Variants in SETBP1 observed in about 807,000 individuals in gnomAD.
The protein encoded by SETBP1 is SET-binding protein.
Under a neutral mutation model 101.0 loss-of-function variants are expected in SETBP1, and 9 were observed. That is an observed-to-expected ratio of 0.09 (90% CI 0.05 to 0.16). The LOEUF is 0.16. SETBP1 is among the 10% of genes least tolerant of loss of function. SETBP1 has a pLI of 1.00. For missense variants in SETBP1, 1,858 were observed against 2,033.8 expected, an observed-to-expected ratio of 0.91 and a Z score of 1.66; for synonymous variants, 818 against 788.5, an observed-to-expected ratio of 1.04 and a Z score of -0.63.
chr18:44,929,397 C>T (rs555551651), intron 3 of SETBP1, among the ~76,000 whole-genome samples: 8 of 152,194 alleles, frequency 5.3e-5, no homozygotes, highest in Middle Eastern at 3.4e-3. Context: ...CTTTTGGCTT[C>T]GGATTGTCTT....
At chr18:45,062,415 A>G (rs1447177324) in intron 5 of SETBP1, among the ~76,000 whole-genome samples, 3 of 152,224 alleles carry the variant, frequency 2.0e-5, no homozygotes, top group Non-Finnish European at 4.4e-5. Context: ...ACTAGTCCAG[A>G]ACACTGGGGG....
intron 2 of SETBP1, among the ~76,000 whole-genome samples, chr18:44,702,114 A>G (rs187015689): frequency 1.3e-5 from 2 of 152,282 alleles, no homozygotes; most frequent in East Asian, 1.9e-4. Flanking sequence ...TCTTTCCAGA[A>G]TTAAGCTAGA....
intron 3 of SETBP1, among the ~76,000 whole-genome samples, chr18:44,885,959 C>T (rs1298180490): frequency 6.6e-6 from 1 of 150,648 alleles, no homozygotes; most frequent in Non-Finnish European, 1.5e-5. Flanking sequence ...GTTTATTTTC[C>T]TAAGTTCTCA....
At chr18:44,763,922 C>G (rs898864876) in intron 2 of SETBP1, among the ~76,000 whole-genome samples, 1 of 152,228 alleles carries the variant, frequency 6.6e-6, no homozygotes, top group African/African-American at 2.4e-5. Context: ...CTCTTCTCTT[C>G]TCTGTCCTTT....
chr18:44,705,105 G>A (rs535122520), intron 2 of SETBP1, among the ~76,000 whole-genome samples: 2 of 152,160 alleles, frequency 1.3e-5, no homozygotes, highest in Non-Finnish European at 2.9e-5. Flanking sequence ...TAGCCTGTGG[G>A]CCAAATCCAG....
At chr18:44,708,753 GA>G (rs779798955) in intron 2 of SETBP1, among the ~76,000 whole-genome samples, 2 of 151,648 alleles carry the variant, frequency 1.3e-5, no homozygotes, top group Non-Finnish European at 2.9e-5. Flanking sequence ...GAAAAGAAAA[GA>G]AAAGAAAAGA....
rs547290031 is a variant in SETBP1 at position 45,067,663 on chromosome 18, G to A, written c.*3965G>A. On this transcript the variant is annotated 3_prime_UTR_variant, in exon 6 of 6. Transcript: ENST00000649279. ...GAAACTCGAACTGTAATATATCGTA[G>A]CATTTTCTTGGTGTTTCTTAAAGTT... 2 of 152,172 alleles carry A rather than the reference G, an allele frequency of 1.3e-5. No individual in the cohort carries two copies. The highest frequency in any genetic ancestry group is 2.9e-5 in the Non-Finnish European group (2 of 68,042). The allele number at this position is 152,172 out of a possible 1,614,324, so 9.4% of individuals were successfully genotyped here. A position where few individuals can be genotyped will look rare whatever the true frequency, so the allele number is the denominator to read the frequency against.
chr18:44,980,590 G>A lies in SETBP1; in HGVS notation c.4000+27250G>A, dbSNP rs529249839. ...CGTGCCTCTCCCGTCTCTTACAAAC[G>A]GAAACTTTGTCAGAGGAGGGAGAGG... On this transcript the variant is annotated intron_variant, in intron 4 of 5. Coordinates refer to ENST00000649279, the MANE Select transcript of SETBP1 (RefSeq NM_015559.3). 2.2e-3 allele frequency among the ~76,000 whole-genome samples: 337 copies of A among 152,184 alleles called. 2 individuals carry two copies. The highest frequency in any genetic ancestry group is 7.2e-3 in the African/African-American group (298 of 41,528).
rs1202181871 is a variant in SETBP1, at chr18:44,952,216, A to T, written c.2876A>T (p.Glu959Val). 2 of 1,614,032 alleles carry T rather than the reference A, an allele frequency of 1.2e-6. No homozygotes were observed. Among genetic ancestry groups the T allele is most frequent in the East Asian group, 4.5e-5 (2 of 44,886 alleles). ...DDLQFLADLE[E>V]LITKFQVFRI... The stretch of plus-strand genomic sequence containing the variant: ...CTCCAGTTTCTGGCAGACCTGGAGG[A>T]GCTAATCACCAAGTTCCAAGTGTTC... The change falls in exon 4 of 6, where the codon GAG becomes GTG. Residue 959 changes from glutamate to valine, a missense_variant. This residue lies in a region of SETBP1 where 255 missense variants were observed against 300.1 expected (regional missense o/e 0.85). Transcript: ENST00000649279.
intron 3 of SETBP1, among the ~76,000 whole-genome samples, chr18:44,910,435 G>T (rs1261412607): frequency 6.6e-6 from 1 of 152,156 alleles, no homozygotes; most frequent in Non-Finnish European, 1.5e-5. Flanking sequence ...GTCTTTGATG[G>T]AGTCAGGAAG....
Position 44,952,175 on chromosome 18 carries a change from G to A in SETBP1, c.2835G>A (p.Leu945=). The change falls in exon 4 of 6, where the codon CTG becomes CTA. Residue 945 remains leucine (L), a synonymous_variant. Coordinates refer to ENST00000649279, the MANE Select transcript of SETBP1 (RefSeq NM_015559.3). The part of the protein sequence containing the change: ...KPKHKRKRKS[L]QNRDDLQFLA... Reference sequence around the variant, plus strand: ...AGCACAAGAGGAAACGGAAAAGCCTGCAAAACCGCGATGACCTCCAGTTTC... The same window carrying A: ...AGCACAAGAGGAAACGGAAAAGCCTACAAAACCGCGATGACCTCCAGTTTC... The A allele has an allele frequency of 1.2e-6, 2 of 1,614,154 alleles. No homozygotes were observed. The highest frequency in any genetic ancestry group is 2.2e-5 in the South Asian group (2 of 91,074).
chr18:44,820,992 T>C (rs1024366337), intron 2 of SETBP1, among the ~76,000 whole-genome samples: 1 of 152,214 alleles, frequency 6.6e-6, no homozygotes, highest in South Asian at 2.1e-4. Flanking sequence ...CAGTTCCTTA[T>C]TGGCAGGTAA....
chr18:44,695,091 T>C (rs370612030), intron 1 of SETBP1, among the ~76,000 whole-genome samples: 1 of 151,540 alleles, frequency 6.6e-6, no homozygotes, highest in Non-Finnish European at 1.5e-5. Context: ...TAGAATCAAA[T>C]TGGTATTATG....
chr18:44,889,730 G>A (rs913552770), intron 3 of SETBP1, among the ~76,000 whole-genome samples: 3 of 152,110 alleles, frequency 2.0e-5, no homozygotes, highest in African/African-American at 4.8e-5. Context: ...TTAGATATAT[G>A]TGTATATATA....
chr18:44,746,796 C>CCA (rs2070260754), intron 2 of SETBP1, among the ~76,000 whole-genome samples: 1 of 152,108 alleles, frequency 6.6e-6, no homozygotes, highest in African/African-American at 2.4e-5. Context: ...GGGGTCTGTG[C>CCA]CAACATGGAG....
chr18:44,834,927 G>A (rs1206893474), intron 2 of SETBP1, among the ~76,000 whole-genome samples: 2 of 152,166 alleles, frequency 1.3e-5, no homozygotes, highest in African/African-American at 2.4e-5. Context: ...TTGGAAACAG[G>A]AGCAGTTTTC....
chr18:44,715,637 C>T (rs1869990564), intron 2 of SETBP1, among the ~76,000 whole-genome samples: 1 of 152,210 alleles, frequency 6.6e-6, no homozygotes, highest in African/African-American at 2.4e-5. Flanking sequence ...TGAAGATAAT[C>T]TGAGCCAATG....
intron 5 of SETBP1, among the ~76,000 whole-genome samples, chr18:45,048,321 A>G (rs2073652701): frequency 6.6e-6 from 1 of 152,230 alleles, no homozygotes; most frequent in Non-Finnish European, 1.5e-5. Flanking sequence ...GAAATAGCAG[A>G]TGAAAACACC....
At chr18:44,872,692 C>T (rs1243495936) in intron 3 of SETBP1, among the ~76,000 whole-genome samples, 3 of 152,238 alleles carry the variant, frequency 2.0e-5, no homozygotes, top group Non-Finnish European at 4.4e-5. Flanking sequence ...CAAGAATGTG[C>T]AGGCTGCTTA....
Sources: gnomAD v4.1 joint callset for allele counts (sites outside exome capture counted in the v4.1 genomes callset) on GRCh38, gnomAD v4.1.1 for gene constraint, gnomAD v4.1.1 regional missense constraint, MANE v1.5 for transcripts, NCBI Gene and HGNC (gene_info 2026-07-23, HGNC 2026-07-21) for gene names.